Variants in NCOA2 observed in about 807,000 individuals in gnomAD.
The protein encoded by NCOA2 is nuclear receptor coactivator 2.
Under a neutral mutation model 145.1 loss-of-function variants are expected in NCOA2, and 21 were observed. The observed-to-expected ratio is 0.14, with a 90% CI of 0.10 to 0.21. NCOA2 has a LOEUF of 0.21. Ranked by LOEUF, NCOA2 falls within the 10% of genes least tolerant of loss-of-function variation. The pLI is 1.00. For synonymous variants in NCOA2, 619 were observed against 637.5 expected, an observed-to-expected ratio of 0.97 and a Z score of 0.44; for missense variants, 1,472 against 1,837.6, an observed-to-expected ratio of 0.80 and a Z score of 3.64.
At chr8:70,176,573 C>T (rs1814877515) in intron 4 of NCOA2, among the ~76,000 whole-genome samples, 1 of 152,136 alleles carries the variant, frequency 6.6e-6, no homozygotes, top group Non-Finnish European at 1.5e-5. Flanking sequence ...TGTGACCGCC[C>T]CCACCCCCTT....
rs554463891 is a variant in NCOA2 at position 70,113,103 on chromosome 8, G to A, written c.*529C>T. On this transcript the variant is annotated 3_prime_UTR_variant, in exon 23 of 23. Transcript: ENST00000452400. Reference sequence around the variant, plus strand: ...TGTCTGTAAATACAGCGCTGTCCACGGTGTCTGTCCTGCTTCCATCCCAAA... The same window carrying A: ...TGTCTGTAAATACAGCGCTGTCCACAGTGTCTGTCCTGCTTCCATCCCAAA... 4.0e-5 allele frequency: 8 copies of A among 200,090 alleles called. No individual in the cohort carries two copies. The highest frequency in any genetic ancestry group is 1.8e-3 in the Middle Eastern group (1 of 568). The allele number at this position is 200,090 out of a possible 1,614,324, so 12.4% of individuals were successfully genotyped here.
At chr8:70,168,332 T>C (rs1226424452) in intron 6 of NCOA2, among the ~76,000 whole-genome samples, 2 of 152,234 alleles carry the variant, frequency 1.3e-5, no homozygotes, top group East Asian at 3.8e-4. Flanking sequence ...TTATTATTAT[T>C]ACTTTTTTGA....
At chr8:70,272,983 G>A (rs979376959) in intron 2 of NCOA2, among the ~76,000 whole-genome samples, 1 of 152,090 alleles carries the variant, frequency 6.6e-6, no homozygotes, top group Non-Finnish European at 1.5e-5. Context: ...TACATTGTAT[G>A]TAGCTACTTA....
At chr8:70,382,297 G>A (rs1389625873) in intron 1 of NCOA2, among the ~76,000 whole-genome samples, 1 of 151,910 alleles carries the variant, frequency 6.6e-6, no homozygotes, top group Admixed American at 6.6e-5. Context: ...GACACAAGCA[G>A]GCAGACGGCT....
chr8:70,319,321 C>T lies in NCOA2; in HGVS notation c.-76-22521G>A, dbSNP rs573213480. Among the ~76,000 whole-genome samples the T allele has an allele frequency of 3.9e-5, 6 of 152,060 alleles. No individual in the cohort carries two copies. The South Asian group carries it at 1.2e-3, about 32-fold the overall frequency. The stretch of plus-strand genomic sequence containing the variant: ...CTTTAGGAGGCTGAGGTGGGCAGGT[C>T]GCTTGAGCCCAAGGGTTCGACACCA... On this transcript the variant is annotated intron_variant, in intron 1 of 22. Transcript: ENST00000452400.
the NCOA2 span, among the ~76,000 whole-genome samples, chr8:70,429,897 G>A: frequency 1.3e-5 from 2 of 151,960 alleles, no homozygotes; most frequent in African/African-American, 4.8e-5. Flanking sequence ...TTTGAGACAG[G>A]GTCGCCCTCC....
chr8:70,257,352 C>T (rs996812581), intron 2 of NCOA2, among the ~76,000 whole-genome samples: 15 of 152,164 alleles, frequency 9.9e-5, no homozygotes, highest in Admixed American at 3.9e-4. Context: ...GGAACCATTC[C>T]TTGGGGTCCT....
chr8:70,340,289 C>A (rs951639417), intron 1 of NCOA2, among the ~76,000 whole-genome samples: 3 of 152,056 alleles, frequency 2.0e-5, no homozygotes, highest in Non-Finnish European at 4.4e-5. Context: ...AGGACATGTA[C>A]GAGCACTTCT....
intron 4 of NCOA2, among the ~76,000 whole-genome samples, chr8:70,175,917 T>C (rs946362946): frequency 6.6e-6 from 1 of 152,070 alleles, no homozygotes; most frequent in Non-Finnish European, 1.5e-5. Context: ...TGAAAATCTG[T>C]AAAGCCTAAT....
intron 4 of NCOA2, among the ~76,000 whole-genome samples, chr8:70,188,601 T>C (rs1180247885): frequency 1.3e-5 from 2 of 152,322 alleles, no homozygotes; most frequent in African/African-American, 4.8e-5. Flanking sequence ...CTAATAGACC[T>C]GTTCACAAAT....
intron 12 of NCOA2, among the ~76,000 whole-genome samples, chr8:70,147,125 CGCGTGT>C (rs1268579845): frequency 2.8e-4 from 41 of 145,398 alleles, no homozygotes; most frequent in African/African-American, 9.2e-4. Context: ...CGCGCGCGCG[CGCGTGT>C]GTGTGTGTGT....
intron 2 of NCOA2, among the ~76,000 whole-genome samples, chr8:70,283,983 C>T (rs1826062676): frequency 6.6e-6 from 1 of 152,132 alleles, no homozygotes; most frequent in Admixed American, 6.5e-5. Flanking sequence ...TTAGCAATAA[C>T]AATGTTTAGA....
chr8:70,441,400 A>AAAG, the NCOA2 span, among the ~76,000 whole-genome samples: 127,739 of 146,556 alleles, frequency 0.87, 56,168 homozygotes, highest in East Asian at 0.98. Flanking sequence ...GAAAGAAAGA[A>AAAG]AAGAAGAGAG....
upstream of NCOA2, among the ~76,000 whole-genome samples, chr8:70,408,035 C>T (rs1417965469): frequency 6.6e-6 from 1 of 152,056 alleles, no homozygotes; most frequent in Non-Finnish European, 1.5e-5. Context: ...CCTTATTTCT[C>T]CCCCTCTATT....
At chr8:70,215,404 G>A (rs1256621363) in intron 3 of NCOA2, among the ~76,000 whole-genome samples, 2 of 152,308 alleles carry the variant, frequency 1.3e-5, no homozygotes, top group African/African-American at 4.8e-5. Flanking sequence ...CCCCAGGTAG[G>A]GCTCCTGACT....
intron 10 of NCOA2, 129 bp from the exon 11 acceptor site, chr8:70,157,369 C>A (rs1033656323): frequency 3.3e-5 from 29 of 877,128 alleles, no homozygotes; most frequent in Middle Eastern, 2.9e-4. Flanking sequence ...ATAGATAATA[C>A]TTTGTTGAAA....
At chr8:70,192,523 T>TG (rs1178280870) in intron 4 of NCOA2, among the ~76,000 whole-genome samples, 1 of 152,208 alleles carries the variant, frequency 6.6e-6, no homozygotes, top group East Asian at 1.9e-4. Flanking sequence ...CCTGCCCCTC[T>TG]GCTCCTAAGA....
chr8:70,137,531 C>T (rs962277848), intron 15 of NCOA2, among the ~76,000 whole-genome samples: 3 of 152,214 alleles, frequency 2.0e-5, no homozygotes, highest in Non-Finnish European at 4.4e-5. Flanking sequence ...GGGTTTCTAA[C>T]ATATCAAATA....
At chr8:70,340,529 A>C (rs1808035181) in intron 1 of NCOA2, among the ~76,000 whole-genome samples, 1 of 152,232 alleles carries the variant, frequency 6.6e-6, no homozygotes, top group African/African-American at 2.4e-5. Context: ...TGTGGAAGAC[A>C]GTGTAGCGAC....
Sources: gnomAD v4.1 joint callset for allele counts (sites outside exome capture counted in the v4.1 genomes callset) on GRCh38, gnomAD v4.1.1 for gene constraint, MANE v1.5 for transcripts, NCBI Gene and HGNC (gene_info 2026-07-23, HGNC 2026-07-21) for gene names.